ZBTB7C: variants seen among roughly 807,000 people sequenced by gnomAD.
ZBTB7C encodes zinc finger and BTB domain containing 7C, also known as zinc finger and BTB domain-containing protein 7C.
ZBTB7C carries 8 observed loss-of-function variants against 25.7 expected under a neutral mutation model. The ratio of observed to expected loss-of-function variants is 0.31; its 90% CI spans 0.18 to 0.56. The LOEUF (loss-of-function observed/expected upper bound fraction) is 0.56, where lower values mean the gene tolerates loss of function less well. Ranked by LOEUF, ZBTB7C falls within the 20% of genes least tolerant of loss-of-function variation. The pLI is 0.91. For synonymous variants in ZBTB7C, 394 were observed against 369.0 expected (o/e 1.07, Z -0.78); for missense variants, 824 against 855.2 (o/e 0.96, Z 0.46).
chr18:48,126,296 G>C (rs551074553), intron 3 of ZBTB7C, among the ~76,000 whole-genome samples: 1 of 152,230 alleles, frequency 6.6e-6, no homozygotes, highest in Admixed American at 6.5e-5. Context: ...TCTAAGAAGG[G>C]TCTTATTAAT....
chr18:48,391,401 G>C (rs1009396400), intron 1 of ZBTB7C, among the ~76,000 whole-genome samples: 1 of 152,228 alleles, frequency 6.6e-6, no homozygotes, highest in East Asian at 1.9e-4. Context: ...TGGTCCAGTG[G>C]CAGAGCCAGG....
intron 3 of ZBTB7C, among the ~76,000 whole-genome samples, chr18:48,129,932 G>A (rs2144767347): frequency 6.6e-6 from 1 of 152,282 alleles, no homozygotes; most frequent in East Asian, 1.9e-4. Flanking sequence ...TCCCTCCTCT[G>A]CCTCCCTGCT....
intron 3 of ZBTB7C, among the ~76,000 whole-genome samples, chr18:48,103,112 TTATC>T (rs61043835): frequency 0.13 from 17,120 of 130,698 alleles, 1,519 homozygotes; most frequent in East Asian, 0.27. Flanking sequence ...ATATTTTATA[TTATC>T]TATCTATCTA....
At chr18:48,163,854 A>T (rs1019663228) in intron 3 of ZBTB7C, among the ~76,000 whole-genome samples, 2 of 152,226 alleles carry the variant, frequency 1.3e-5, no homozygotes, top group Admixed American at 6.5e-5. Flanking sequence ...TGCTTTGGGA[A>T]GTGAGAAGAA....
intron 1 of ZBTB7C, among the ~76,000 whole-genome samples, chr18:48,369,117 T>C (rs1262423412): frequency 2.0e-5 from 3 of 152,188 alleles, no homozygotes; most frequent in Non-Finnish European, 4.4e-5. Flanking sequence ...TGGTTCTAAA[T>C]GTATGTAGAA....
intron 2 of ZBTB7C, among the ~76,000 whole-genome samples, chr18:48,327,302 G>A (rs9304361): frequency 1 from 152,166 of 152,316 alleles, 76,009 homozygotes; most frequent in Non-Finnish European, 1. Context: ...AGCTCCTGAT[G>A]CCCTGTGGTT....
chr18:48,274,630 TC>T (rs1324234690), intron 2 of ZBTB7C, among the ~76,000 whole-genome samples: 2 of 152,208 alleles, frequency 1.3e-5, no homozygotes, highest in African/African-American at 4.8e-5. Context: ...ACCTGACTCA[TC>T]CCCTTCCTCT....
intron 3 of ZBTB7C, among the ~76,000 whole-genome samples, chr18:48,134,961 G>A (rs1353641193): frequency 6.6e-6 from 1 of 152,302 alleles, no homozygotes; most frequent in Admixed American, 6.5e-5. Context: ...CCTGGTGACT[G>A]CAGCATGGAG....
chr18:48,391,984 T>C (rs1040323527), intron 1 of ZBTB7C, among the ~76,000 whole-genome samples: 3 of 152,226 alleles, frequency 2.0e-5, no homozygotes, highest in African/African-American at 7.2e-5. Flanking sequence ...TGTGAGGACT[T>C]TGCTCCTCTG....
intron 1 of ZBTB7C, among the ~76,000 whole-genome samples, chr18:48,400,254 C>T (rs558109855): frequency 4.6e-5 from 7 of 152,228 alleles, no homozygotes; most frequent in Non-Finnish European, 1.0e-4. Flanking sequence ...GTGGTCCTCT[C>T]TGTTCCCCAC....
chr18:48,179,403 A>G (rs746048550), intron 3 of ZBTB7C, among the ~76,000 whole-genome samples: 1 of 152,092 alleles, frequency 6.6e-6, no homozygotes, highest in South Asian at 2.1e-4. Flanking sequence ...AGACTCTCCT[A>G]TGCTGGATGT....
At chr18:48,257,430 T>A (rs573364798) in intron 2 of ZBTB7C, among the ~76,000 whole-genome samples, 6 of 152,112 alleles carry the variant, frequency 3.9e-5, no homozygotes, top group Non-Finnish European at 5.9e-5. Context: ...AACTTTCCCA[T>A]AAAGAAAATT....
At chr18:48,071,092 T>C (rs955950178) in intron 3 of ZBTB7C, among the ~76,000 whole-genome samples, 4 of 152,236 alleles carry the variant, frequency 2.6e-5, no homozygotes, top group African/African-American at 9.6e-5. Context: ...AATATGTTTA[T>C]GATAAATGCA....
chr18:48,100,235 G>A (rs1480392856), intron 3 of ZBTB7C, among the ~76,000 whole-genome samples: 1 of 152,314 alleles, frequency 6.6e-6, no homozygotes, highest in South Asian at 2.1e-4. Flanking sequence ...TTCAGCCCGC[G>A]TGCTTGACAA....
chr18:48,367,369 T>A (rs375080856), intron 1 of ZBTB7C, among the ~76,000 whole-genome samples: 1 of 111,276 alleles, frequency 9.0e-6, no homozygotes, highest in African/African-American at 3.0e-5. Flanking sequence ...TATATATATA[T>A]ATAAAATACA....
chr18:48,087,618 C>T (rs1339397559), intron 3 of ZBTB7C: 1 of 151,716 alleles, frequency 6.6e-6, no homozygotes, highest in African/African-American at 2.4e-5. Context: ...AACCCCATCT[C>T]TAGAAAAAAA....
chr18:48,111,833 C>T (rs912941255), intron 3 of ZBTB7C, among the ~76,000 whole-genome samples: 2 of 152,170 alleles, frequency 1.3e-5, no homozygotes, highest in African/African-American at 2.4e-5. Context: ...AACATAAACA[C>T]AGTTTTTGGC....
chr18:48,284,614 C>T (rs564692084), intron 2 of ZBTB7C, among the ~76,000 whole-genome samples: 42 of 152,022 alleles, frequency 2.8e-4, no homozygotes, highest in African/African-American at 8.7e-4. Context: ...GCCAACATAG[C>T]GGAACCGTGT....
chr18:48,223,312 TC>T (rs2043005794), intron 2 of ZBTB7C, among the ~76,000 whole-genome samples: 1 of 151,714 alleles, frequency 6.6e-6, no homozygotes, highest in Non-Finnish European at 1.5e-5. Flanking sequence ...AGGTGAAAAT[TC>T]CCCCCATACC....
Sources: allele counts gnomAD v4.1 joint callset (sites outside exome capture counted in the v4.1 genomes callset), GRCh38; gene constraint gnomAD v4.1.1; transcripts MANE v1.5; gene names NCBI Gene and HGNC (gene_info 2026-07-23, HGNC 2026-07-21).